TFCP2: variants seen among roughly 807,000 people sequenced by gnomAD.
The protein encoded by TFCP2 is alpha-globin transcription factor CP2.
Under a neutral mutation model 73.4 loss-of-function variants are expected in TFCP2, and 33 were observed. That is an observed-to-expected ratio of 0.45 (90% CI 0.34 to 0.60). The LOEUF (loss-of-function observed/expected upper bound fraction) is 0.60. Among genes scored for constraint, TFCP2 ranks in the 20% least tolerant of loss-of-function variants. The pLI is 0.01. For synonymous variants in TFCP2, 193 were observed against 211.6 expected (o/e 0.91, Z 0.76); for missense variants, 352 against 604.0 (o/e 0.58, Z 4.37).
intron 1 of TFCP2, among the ~76,000 whole-genome samples, chr12:51,130,752 C>T (rs1157349146): frequency 6.6e-6 from 1 of 152,024 alleles, no homozygotes; most frequent in Non-Finnish European, 1.5e-5. Flanking sequence ...TTTGGGAAGC[C>T]GAGGCAGGTG....
At chr12:51,150,366 C>T (rs975996162) in intron 1 of TFCP2, among the ~76,000 whole-genome samples, 3 of 151,660 alleles carry the variant, frequency 2.0e-5, no homozygotes, top group Non-Finnish European at 2.9e-5. Flanking sequence ...TGCAGTGAGC[C>T]GAGATTGTGC....
In TFCP2 at chr12:51,095,142, T is replaced by C; in HGVS notation, c.*99A>G. On this transcript the variant is annotated 3_prime_UTR_variant, in exon 15 of 15. Transcript: ENST00000257915. ...TCCACACACAGTCAGACGAGTCAGG[T>C]TCTTGCAGACCTTCAAATCTCCATT... 7.4e-7 allele frequency: 1 copy of C among 1,346,538 alleles called. No individual in the cohort carries two copies. The highest frequency in any genetic ancestry group is 1.1e-6 in the Non-Finnish European group (1 of 936,740). 83.4% of individuals were successfully genotyped at this position (1,346,538 alleles called of 1,614,324 possible). A position where few individuals can be genotyped will look rare whatever the true frequency, so the allele number is the denominator to read the frequency against.
chr12:51,127,088 G>A (rs1045237124), intron 1 of TFCP2, among the ~76,000 whole-genome samples: 1 of 152,200 alleles, frequency 6.6e-6, no homozygotes, highest in African/African-American at 2.4e-5. Flanking sequence ...GAAGGTAGAA[G>A]AAATGAGTAG....
At chr12:51,096,587 C>T (rs1939970589) in intron 13 of TFCP2, among the ~76,000 whole-genome samples, 1 of 152,200 alleles carries the variant, frequency 6.6e-6, no homozygotes, top group Admixed American at 6.5e-5. Context: ...TTATGAGCCA[C>T]ATGGTTTCTA....
intron 1 of TFCP2, 97 bp downstream of exon 1, chr12:51,172,204 A>C: frequency 6.6e-7 from 1 of 1,504,184 alleles, no homozygotes. Context: ...ACAGCTTTTT[A>C]AAACTCTATA....
At chr12:51,171,603 C>G (rs1213833432) in intron 1 of TFCP2, among the ~76,000 whole-genome samples, 1 of 152,178 alleles carries the variant, frequency 6.6e-6, no homozygotes, top group Non-Finnish European at 1.5e-5. Context: ...GTCTCGAACT[C>G]CTGAGCTCAA....
Position 51,107,276 on chromosome 12 carries a change from T to C in TFCP2, c.788A>G (p.Glu263Gly). The change falls in exon 7 of 15, where the codon GAG becomes GGG. Residue 263 changes from glutamate to glycine, a missense_variant. By Grantham distance (98) the Glu-to-Gly change is moderately conservative. Transcript: ENST00000257915. ...TGTCTCATAGGAAGGCTGATATTTC[T>C]CCTTTTCATGAGGTGTTCGTTTCTC... ...KMEKRTPHEK[E>G]KYQPSYETTI... 1 of 1,612,906 alleles carries C rather than the reference T, an allele frequency of 6.2e-7. No homozygotes were observed. The highest frequency in any genetic ancestry group is 8.5e-7 in the Non-Finnish European group (1 of 1,179,796).
intron 1 of TFCP2, among the ~76,000 whole-genome samples, chr12:51,151,405 T>C (rs753442428): frequency 3.3e-5 from 5 of 152,166 alleles, no homozygotes; most frequent in Admixed American, 6.5e-5. Flanking sequence ...TATTAACAGT[T>C]ACCTTAGGAC....
At chr12:51,119,531 A>C (rs1566209048) in intron 1 of TFCP2, among the ~76,000 whole-genome samples, 1 of 152,076 alleles carries the variant, frequency 6.6e-6, no homozygotes, top group Non-Finnish European at 1.5e-5. Context: ...TGGGCGGATC[A>C]CCTGAGGTCC....
chr12:51,128,198 C>T (rs901353892), intron 1 of TFCP2, among the ~76,000 whole-genome samples: 6 of 152,066 alleles, frequency 3.9e-5, no homozygotes, highest in African/African-American at 1.4e-4. Flanking sequence ...GGATTGCAGG[C>T]ATGAGCCACC....
rs1213281275 is a variant in TFCP2, at chr12:51,102,034, A to T, written c.1061-9T>A. 1.0e-5 allele frequency: 16 copies of T among 1,565,772 alleles called. No homozygotes were observed. The highest frequency in any genetic ancestry group is 1.7e-4 in the Middle Eastern group (1 of 5,888). On this transcript the variant is annotated splice_polypyrimidine_tract_variant and intron_variant, in intron 10 of 14. Transcript: ENST00000257915. Reference sequence around the variant, plus strand: ...TTTCAATAAATCTGCCCCTGGAATAAATATAAGAAAATGGATGATAAAGGC... The same window carrying T: ...TTTCAATAAATCTGCCCCTGGAATATATATAAGAAAATGGATGATAAAGGC...
chr12:51,131,318 G>A (rs914927353), intron 1 of TFCP2, among the ~76,000 whole-genome samples: 1 of 131,090 alleles, frequency 7.6e-6, no homozygotes, highest in Admixed American at 8.4e-5. Flanking sequence ...CTGGGTGACA[G>A]AGCAAGACTG....
Position 51,172,525 on chromosome 12 carries a change from A to G in TFCP2, c.-103T>C. 1 of 1,533,480 alleles carries G rather than the reference A, an allele frequency of 6.5e-7. No individual in the cohort carries two copies. Among genetic ancestry groups the G allele is most frequent in the Non-Finnish European group, 8.8e-7 (1 of 1,133,390 alleles). 95.0% of individuals were successfully genotyped at this position (1,533,480 alleles called of 1,614,324 possible). A position where few individuals can be genotyped will look rare whatever the true frequency, so the allele number is the denominator to read the frequency against. On this transcript the variant is annotated 5_prime_UTR_variant, in exon 1 of 15. Coordinates refer to ENST00000257915, the MANE Select transcript of TFCP2 (RefSeq NM_005653.5). The stretch of plus-strand genomic sequence containing the variant: ...CGCAAACCAAGAAAACTACAAACCA[A>G]GGTTTCCCACGCAGTGCCCACCAGC...
chr12:51,172,811 A>C lies in TFCP2; in HGVS notation c.-389T>G. 1 of 184,338 alleles carries C rather than the reference A, an allele frequency of 5.4e-6. No homozygotes were observed. The allele number at this position is 184,338 out of a possible 1,614,324, so 11.4% of individuals were successfully genotyped here. On this transcript the variant is annotated 5_prime_UTR_variant, in exon 1 of 15. Coordinates refer to ENST00000257915, the MANE Select transcript of TFCP2 (RefSeq NM_005653.5). ...CGCAGGAAGCCAGCCCGGCGCTCCC[A>C]CGCTGCTTTTGCACCTTTTCCCCCG...
intron 1 of TFCP2, among the ~76,000 whole-genome samples, chr12:51,128,339 A>G (rs1275514204): frequency 6.6e-6 from 1 of 152,202 alleles, no homozygotes; most frequent in Non-Finnish European, 1.5e-5. Context: ...GTTCATTAAA[A>G]AAACTAGTAT....
At position 51,154,919 on chromosome 12, in the gene TFCP2, G is replaced by C. The variant is rs546960523; in HGVS notation, c.122+17382C>G. 9.9e-5 allele frequency among the ~76,000 whole-genome samples: 15 copies of C among 152,250 alleles called. No homozygotes were observed. In the South Asian group the frequency reaches 2.7e-3, roughly 27 times the overall value. ...GACCGGATTAAAGGATACTTAAAAA[G>C]CGGGTAAAGCATGATTTCTGACTGT... is the stretch of plus-strand genomic sequence containing the variant. On this transcript the variant is annotated intron_variant, in intron 1 of 14. Coordinates refer to ENST00000257915, the MANE Select transcript of TFCP2 (RefSeq NM_005653.5).
chr12:51,105,881 G>A (rs1940223824), intron 8 of TFCP2, among the ~76,000 whole-genome samples: 1 of 152,088 alleles, frequency 6.6e-6, no homozygotes, highest in Non-Finnish European at 1.5e-5. Context: ...GTTTCAATAT[G>A]GCTATGTGAA....
intron 1 of TFCP2, among the ~76,000 whole-genome samples, chr12:51,140,467 G>A (rs1052130730): frequency 1.5e-3 from 16 of 10,428 alleles, no homozygotes; most frequent in Non-Finnish European, 1.1e-3. Context: ...TTTTTTTTTT[G>A]TAGAGGTGGG....
At chr12:51,127,697 T>C (rs950549157) in intron 1 of TFCP2, among the ~76,000 whole-genome samples, 1 of 152,064 alleles carries the variant, frequency 6.6e-6, no homozygotes, top group African/African-American at 2.4e-5. Context: ...AAAGAAGAAA[T>C]ATTAGGAAAA....
Sources: gnomAD v4.1 joint callset for allele counts (sites outside exome capture counted in the v4.1 genomes callset) on GRCh38, gnomAD v4.1.1 for gene constraint, MANE v1.5 for transcripts, NCBI Gene and HGNC (gene_info 2026-07-23, HGNC 2026-07-21) for gene names.